Variants in PHF21B observed in about 807,000 individuals in gnomAD.
PHF21B encodes the protein PHD finger protein 4.
PHF21B carries 22 observed loss-of-function variants against 62.2 expected under a neutral mutation model. The ratio of observed to expected loss-of-function variants is 0.35; its 90% CI spans 0.25 to 0.51. The LOEUF (loss-of-function observed/expected upper bound fraction) is 0.51. Ranked by LOEUF, PHF21B falls within the 20% of genes least tolerant of loss-of-function variation. The pLI, the probability that PHF21B is intolerant of heterozygous loss-of-function variation, is 0.97. For synonymous variants in PHF21B, 341 were observed against 314.7 expected, an observed-to-expected ratio of 1.08 and a Z score of -0.88; for missense variants, 701 against 707.9, an observed-to-expected ratio of 0.99 and a Z score of 0.11.
chr22:44,899,811 A>T (rs1373214666), intron 5 of PHF21B, among the ~76,000 whole-genome samples: 1 of 152,172 alleles, frequency 6.6e-6, no homozygotes, highest in Non-Finnish European at 1.5e-5. Context: ...GTTGCTATGA[A>T]GATTAGTGAT....
Position 44,896,101 on chromosome 22 carries a change from C to A in PHF21B, c.832-18G>T. ...GCGATTTTCTGAGGGAAGGAACAGA[C>A]AAAGGAGCATTAACACAACCGTCAA... On this transcript the variant is annotated intron_variant, in intron 5 of 12. Transcript: ENST00000313237. 6.2e-7 allele frequency: 1 copy of A among 1,613,872 alleles called. No homozygotes were observed. The highest frequency in any genetic ancestry group is 8.5e-7 in the Non-Finnish European group (1 of 1,179,904).
At chr22:44,895,363 T>C (rs111393744) in intron 6 of PHF21B, among the ~76,000 whole-genome samples, 40 of 152,286 alleles carry the variant, frequency 2.6e-4, no homozygotes, top group African/African-American at 8.7e-4. Flanking sequence ...TCACGGCCCA[T>C]GTGAAGCTGC....
At chr22:44,974,212 C>T (rs2072693472) in intron 2 of PHF21B, among the ~76,000 whole-genome samples, 1 of 151,950 alleles carries the variant, frequency 6.6e-6, no homozygotes, top group Admixed American at 6.6e-5. Flanking sequence ...GCCAGGAGTT[C>T]GAGACCAGCC....
At chr22:44,893,972 T>A (rs894384059) in intron 6 of PHF21B, among the ~76,000 whole-genome samples, 2 of 152,242 alleles carry the variant, frequency 1.3e-5, no homozygotes, top group African/African-American at 4.8e-5. Context: ...TCTGCCCCAG[T>A]GCAGCCCCCA....
At chr22:44,945,861 T>C (rs1245733664) in intron 2 of PHF21B, among the ~76,000 whole-genome samples, 1 of 152,124 alleles carries the variant, frequency 6.6e-6, no homozygotes, top group Admixed American at 6.5e-5. Flanking sequence ...TCTTTGGGCC[T>C]CAGGCCCCAG....
chr22:44,966,517 C>T (rs1020489713), intron 2 of PHF21B, among the ~76,000 whole-genome samples: 1 of 152,092 alleles, frequency 6.6e-6, no homozygotes, highest in Non-Finnish European at 1.5e-5. Flanking sequence ...AGAGACCAAG[C>T]CCCTGTCCCC....
intron 2 of PHF21B, among the ~76,000 whole-genome samples, chr22:44,937,858 G>A (rs2071880543): frequency 6.6e-6 from 1 of 152,252 alleles, no homozygotes; most frequent in African/African-American, 2.4e-5. Flanking sequence ...CGGACATGAG[G>A]CTCAAGAAGC....
At chr22:44,918,089 C>A (rs1484160045) in intron 3 of PHF21B, among the ~76,000 whole-genome samples, 3 of 152,274 alleles carry the variant, frequency 2.0e-5, no homozygotes, top group African/African-American at 7.2e-5. Flanking sequence ...GCTTACAGCC[C>A]AACAGAAACT....
intron 2 of PHF21B, among the ~76,000 whole-genome samples, chr22:44,937,122 T>A (rs1037794798): frequency 6.6e-6 from 1 of 152,150 alleles, no homozygotes; most frequent in South Asian, 2.1e-4. Flanking sequence ...TGCCTCGGCC[T>A]CCCAAACTGC....
At chr22:44,972,433 C>T (rs929056023) in intron 2 of PHF21B, among the ~76,000 whole-genome samples, 3 of 152,156 alleles carry the variant, frequency 2.0e-5, no homozygotes, top group Admixed American at 2.0e-4. Context: ...TGTTGGCGGA[C>T]GCTGCTGCTC....
chr22:44,913,087 C>G (rs1456938976), intron 5 of PHF21B, among the ~76,000 whole-genome samples: 1 of 152,140 alleles, frequency 6.6e-6, no homozygotes, highest in African/African-American at 2.4e-5. Context: ...ACCATCAGTG[C>G]AGGGGCTGCG....
chr22:45,003,072 T>G (rs1190429871), intron 2 of PHF21B: 3 of 152,250 alleles, frequency 2.0e-5, no homozygotes, highest in Non-Finnish European at 2.9e-5. Context: ...GAAACTGTTC[T>G]CCACGCCTCA....
At chr22:44,976,125 T>G (rs1225402369) in intron 2 of PHF21B, among the ~76,000 whole-genome samples, 2 of 152,212 alleles carry the variant, frequency 1.3e-5, no homozygotes, top group South Asian at 2.1e-4. Flanking sequence ...GGGTCATGAT[T>G]GCGCCACTGC....
At chr22:44,971,698 G>T (rs957667550) in intron 2 of PHF21B, among the ~76,000 whole-genome samples, 1 of 152,170 alleles carries the variant, frequency 6.6e-6, no homozygotes, top group Non-Finnish European at 1.5e-5. Context: ...AAAACACACT[G>T]TGCCTCCACC....
chr22:44,921,784 G>A lies in PHF21B; in HGVS notation c.121-1294C>T, dbSNP rs375437796. 1.1e-4 allele frequency among the ~76,000 whole-genome samples: 16 copies of A among 151,874 alleles called. No homozygotes were observed. The East Asian group carries it at 1.7e-3, about 17-fold the overall frequency. ...AGTGATTCTCCCGCCTCAGCCTCCC[G>A]AGTAGCTGGGATTACAGGCGCCCGC... On this transcript the variant is annotated intron_variant, in intron 2 of 12. Transcript: ENST00000313237.
At chr22:44,964,240 C>G (rs933925290) in intron 2 of PHF21B, among the ~76,000 whole-genome samples, 9 of 152,236 alleles carry the variant, frequency 5.9e-5, no homozygotes, top group Non-Finnish European at 1.2e-4. Context: ...TCTGTCTTCC[C>G]TGCATCACTG....
chr22:44,991,235 T>A (rs1460874059), intron 2 of PHF21B, among the ~76,000 whole-genome samples: 1 of 152,174 alleles, frequency 6.6e-6, no homozygotes, highest in African/African-American at 2.4e-5. Context: ...AAAAGCTTGA[T>A]GTGCACGCTA....
At chr22:44,898,370 A>G (rs1601577975) in intron 5 of PHF21B, among the ~76,000 whole-genome samples, 1 of 152,116 alleles carries the variant, frequency 6.6e-6, no homozygotes, top group Non-Finnish European at 1.5e-5. Flanking sequence ...GGCGTAGACC[A>G]CCCACCTGAC....
rs145307881 is a variant in PHF21B at position 44,913,364 on chromosome 22, G to T, written c.831+458C>A. ...TTCCCTCCTAGACTCAGGACAGAGG[G>T]GCCCATAGCCGGGGCCCCTAGGATG... On this transcript the variant is annotated intron_variant, in intron 5 of 12. Transcript: ENST00000313237. 7.5e-3 allele frequency among the ~76,000 whole-genome samples: 1,149 copies of T among 152,282 alleles called. 19 individuals carry two copies. The highest frequency in any genetic ancestry group is 0.026 in the African/African-American group (1,098 of 41,552).
Sources: gnomAD v4.1 joint callset for allele counts (sites outside exome capture counted in the v4.1 genomes callset) on GRCh38, gnomAD v4.1.1 for gene constraint, MANE v1.5 for transcripts, NCBI Gene and HGNC (gene_info 2026-07-23, HGNC 2026-07-21) for gene names.